Variants in TMEM138 observed in about 807,000 individuals in gnomAD.
The protein encoded by TMEM138 is transmembrane protein 138.
In TMEM138, 9 loss-of-function variants were observed where a neutral mutation model predicts 18.1. The observed-to-expected ratio is 0.50, with a 90% CI of 0.30 to 0.87. The LOEUF (loss-of-function observed/expected upper bound fraction) is 0.87, where lower values mean the gene tolerates loss of function less well. Ranked by LOEUF, TMEM138 falls within the 40% of genes least tolerant of loss-of-function variation. The pLI is 0.06. For synonymous variants in TMEM138, 79 were observed against 74.8 expected (o/e 1.06, Z -0.29); for missense variants, 189 against 190.6 (o/e 0.99, Z 0.05).
chr11:61,364,360 GCC>G lies in TMEM138; in HGVS notation c.-29_-28del, dbSNP rs763913513. 1 of 1,612,330 alleles carries G rather than the reference GCC, an allele frequency of 6.2e-7. No homozygotes were observed. The highest frequency in any genetic ancestry group is 8.5e-7 in the Non-Finnish European group (1 of 1,178,990). ...CGGTTTTCTGGGAACTGTGGGATGT[GCC>G]CTTGGGGGCCCGAGAAAACAGAAGG... is the stretch of plus-strand genomic sequence containing the variant. On this transcript the variant is annotated 5_prime_UTR_variant, in exon 2 of 5. Coordinates refer to ENST00000278826, the MANE Select transcript of TMEM138 (RefSeq NM_016464.5).
chr11:61,375,390 T>C (rs898168181), downstream of TMEM138, among the ~76,000 whole-genome samples: 1 of 145,680 alleles, frequency 6.9e-6, no homozygotes, highest in Non-Finnish European at 1.5e-5. Flanking sequence ...TGGTGTGATC[T>C]CAGCTCACCA....
intron 3 of TMEM138, chr11:61,366,503 C>G (rs974737757): frequency 1.1e-5 from 3 of 265,484 alleles, no homozygotes; most frequent in African/African-American, 7.0e-5. Context: ...GAGTCTCGCT[C>G]TGTCGCCTGG....
Position 61,367,911 on chromosome 11 carries a change from C to T in TMEM138, c.301-12C>T, listed in dbSNP as rs761355609. 1.8e-5 allele frequency: 28 copies of T among 1,596,266 alleles called. No homozygotes were observed. In the East Asian group the frequency reaches 5.4e-4, roughly 31 times the overall value. On this transcript the variant is annotated splice_polypyrimidine_tract_variant and intron_variant, in intron 3 of 4. Transcript: ENST00000278826. ...TGGCCATTAACTTTTGTGTATCTCA[C>T]ATCTCCTTCAGAACTTACGCTGGAA...
chr11:61,363,462 C>T (rs1160756705), intron 1 of TMEM138: 3 of 152,154 alleles, frequency 2.0e-5, no homozygotes, highest in Non-Finnish European at 4.4e-5. Context: ...CTAATTTAAT[C>T]GCTAACACTC....
downstream of TMEM138, among the ~76,000 whole-genome samples, chr11:61,373,510 C>CT (rs556189963): frequency 2.4e-3 from 347 of 142,046 alleles, 3 homozygotes; most frequent in South Asian, 0.032. Flanking sequence ...AGGTTTTTAC[C>CT]TTTTTTTTTT....
At chr11:61,375,816 T>C (rs1199195314), downstream of TMEM138, among the ~76,000 whole-genome samples, 1 of 152,170 alleles carries the variant, frequency 6.6e-6, no homozygotes, top group Non-Finnish European at 1.5e-5. Context: ...ACTGGCCCCA[T>C]ACCTTTGTCC....
downstream of TMEM138, among the ~76,000 whole-genome samples, chr11:61,372,724 T>A (rs1278667569): frequency 1.3e-5 from 2 of 151,760 alleles, no homozygotes; most frequent in Non-Finnish European, 2.9e-5. Flanking sequence ...AGGTGGAGCT[T>A]GCAGTGAGCT....
intron 3 of TMEM138, chr11:61,366,475 T>TC (rs1565078410): frequency 2.9e-6 from 1 of 339,096 alleles, no homozygotes; most frequent in South Asian, 4.6e-5. Context: ...TCTTTTCTTT[T>TC]TTTTTTTTTT....
At chr11:61,370,756 A>G (rs1382201408), downstream of TMEM138, among the ~76,000 whole-genome samples, 1 of 152,158 alleles carries the variant, frequency 6.6e-6, no homozygotes, top group Non-Finnish European at 1.5e-5. Context: ...GGGTACAACC[A>G]CTTAACCACG....
chr11:61,376,011 A>C (rs1360067416), downstream of TMEM138, among the ~76,000 whole-genome samples: 3 of 152,200 alleles, frequency 2.0e-5, no homozygotes, highest in African/African-American at 7.2e-5. Flanking sequence ...GATTCTTTCT[A>C]TGGAACAAAG....
At chr11:61,368,419 G>C in intron 4 of TMEM138, 178 bp from the exon 5 acceptor site, 1 of 555,656 alleles carries the variant, frequency 1.8e-6, no homozygotes, top group Non-Finnish European at 3.2e-6. Context: ...AGTAGAGACA[G>C]GGTTTCACCG....
chr11:61,373,480 TCTC>T (rs575435281), downstream of TMEM138, among the ~76,000 whole-genome samples: 433 of 152,116 alleles, frequency 2.8e-3, no homozygotes, highest in South Asian at 5.6e-3. Context: ...GAAAATTAAG[TCTC>T]CTCTCTCAAA....
chr11:61,362,988 A>C (rs1408967562), intron 1 of TMEM138: 1 of 152,302 alleles, frequency 6.6e-6, no homozygotes. Context: ...CTGTAATCCC[A>C]GCACTTTGGG....
chr11:61,363,703 C>G (rs746190499), intron 1 of TMEM138: 3 of 152,196 alleles, frequency 2.0e-5, no homozygotes, highest in Non-Finnish European at 4.4e-5. Context: ...AAATACTAGT[C>G]TATCAATTAT....
At chr11:61,366,507 C>T (rs1453262497) in intron 3 of TMEM138, 3 of 252,142 alleles carry the variant, frequency 1.2e-5, no homozygotes, top group African/African-American at 2.4e-5. Context: ...CTCGCTCTGT[C>T]GCCTGGCTGG....
At chr11:61,375,367 G>T (rs147373031), downstream of TMEM138, among the ~76,000 whole-genome samples, 3,113 of 143,138 alleles carry the variant, frequency 0.022, 120 homozygotes, top group African/African-American at 0.079. Context: ...TTTTTGCCCA[G>T]GCTGGAGTGC....
downstream of TMEM138, among the ~76,000 whole-genome samples, chr11:61,372,503 C>T (rs1247099232): frequency 6.8e-6 from 1 of 146,962 alleles, no homozygotes; most frequent in Non-Finnish European, 1.5e-5. Flanking sequence ...AAAAAAAAAG[C>T]TGGGTGCGGT....
downstream of TMEM138, among the ~76,000 whole-genome samples, chr11:61,373,246 A>G (rs114729520): frequency 3.4e-3 from 516 of 152,322 alleles, 3 homozygotes; most frequent in African/African-American, 0.012. Flanking sequence ...ATGAGATTGT[A>G]AAGGCTGATT....
intron 4 of TMEM138, chr11:61,368,211 T>TTTG: frequency 1.5e-6 from 1 of 669,518 alleles, no homozygotes; most frequent in African/African-American, 1.8e-5. Context: ...GTTCTGTTCT[T>TTTG]TTTGTTTGTT....
Sources: gnomAD v4.1 joint callset for allele counts (sites outside exome capture counted in the v4.1 genomes callset) on GRCh38, gnomAD v4.1.1 for gene constraint, MANE v1.5 for transcripts, NCBI Gene and HGNC (gene_info 2026-07-23, HGNC 2026-07-21) for gene names.